IFI44L: variants seen among roughly 807,000 people sequenced by gnomAD.
The protein encoded by IFI44L is interferon-induced protein 44-like.
IFI44L carries 40 observed loss-of-function variants against 39.3 expected under a neutral mutation model. The ratio of observed to expected loss-of-function variants is 1.02; its 90% confidence interval spans 0.79 to 1.33. The LOEUF (loss-of-function observed/expected upper bound fraction) is 1.33. IFI44L is among the 40% of genes most tolerant of loss of function. The pLI is 0.00. For missense variants in IFI44L, 623 were observed against 549.0 expected (o/e 1.13, Z -1.35); for synonymous variants, 198 against 182.3 (o/e 1.09, Z -0.69).
At chr1:78,631,678 A>T (rs944894840) in intron 4 of IFI44L, 12 of 152,174 alleles carry the variant, frequency 7.9e-5, no homozygotes, top group Non-Finnish European at 1.8e-4. Flanking sequence ...GTGTTTATCT[A>T]GGAAAGAAAG....
Position 78,628,219 on chromosome 1 carries a change from A to G in IFI44L, c.304A>G (p.Asn102Asp). Residue 102 changes from asparagine (N) to aspartate (D), a missense_variant, in exon 2 of 9, where the codon AAT becomes GAT. Transcript: ENST00000370751. ...DTTEIETLLL[N>D]TAPKIIDEQL... ...CACTGAAATAGAAACTTTACTCTTA[A>G]ATACAGCACCAAAAATTATTGATGA... The G allele has an allele frequency of 1.2e-6, 2 of 1,612,824 alleles. No homozygotes were observed. The highest frequency in any genetic ancestry group is 1.7e-6 in the Non-Finnish European group (2 of 1,179,474).
At position 78,641,085 on chromosome 1, in the gene IFI44L, T is replaced by G. The variant is rs774208467; in HGVS notation, c.1113T>G (p.Phe371Leu). ...GCAGTGAGGTTCTTCAAGACAACTTTTTAAACATGAGTAGATCTATGACTT... is the reference window on the plus strand; with the variant it reads ...GCAGTGAGGTTCTTCAAGACAACTTGTTAAACATGAGTAGATCTATGACTT... Reference protein sequence around the residue: ...DDCSEVLQDNFLNMSRSMTSQ... With the variant: ...DDCSEVLQDNLLNMSRSMTSQ... Residue 371 changes from phenylalanine (F) to leucine (L), a missense_variant, in exon 7 of 9, where the codon TTT becomes TTG. Coordinates refer to ENST00000370751, the MANE Select transcript of IFI44L (RefSeq NM_006820.4). The G allele has an allele frequency of 6.2e-7, 1 of 1,612,938 alleles. No homozygotes were observed. The highest frequency in any genetic ancestry group is 1.1e-5 in the South Asian group (1 of 91,066).
At position 78,644,532 on chromosome 1, in the gene IFI44L, CAA is replaced by C. The variant is rs1224674200; in HGVS notation, c.*2727_*2728del. On this transcript the variant is annotated 3_prime_UTR_variant, in exon 9 of 9. Coordinates refer to ENST00000370751, the MANE Select transcript of IFI44L (RefSeq NM_006820.4). ...TTAGGAAATATTGGTGAGGAGGCCTCAAAAAGGGGGAAACATCTTTTGTCTGG... is the reference window on the plus strand; with the variant it reads ...TTAGGAAATATTGGTGAGGAGGCCTCAAAGGGGGAAACATCTTTTGTCTGG... 6.6e-6 allele frequency: 1 copy of C among 152,044 alleles called. No individual in the cohort carries two copies. Among genetic ancestry groups the C allele is most frequent in the Non-Finnish European group, 1.5e-5 (1 of 68,000 alleles). 9.4% of individuals were successfully genotyped at this position (152,044 alleles called of 1,614,324 possible).
At position 78,642,738 on chromosome 1, in the gene IFI44L, T is replaced by A. The variant is rs924119177; in HGVS notation, c.*929T>A. 6.6e-5 allele frequency: 10 copies of A among 151,984 alleles called. No individual in the cohort carries two copies. The highest frequency in any genetic ancestry group is 1.3e-4 in the Non-Finnish European group (9 of 67,960). 9.4% of individuals were successfully genotyped at this position (151,984 alleles called of 1,614,324 possible). On this transcript the variant is annotated 3_prime_UTR_variant, in exon 9 of 9. Transcript: ENST00000370751. ...ATTGAATTAATTAAAATGAGCCAAC[T>A]TTTTTTTAACAATTTACATTTTATT...
intron 2 of IFI44L, 56 bp from the exon 3 acceptor site, chr1:78,628,895 C>T (rs1338723528): frequency 4.4e-6 from 5 of 1,148,816 alleles, no homozygotes; most frequent in Non-Finnish European, 6.5e-6. Flanking sequence ...GTAGACTTGG[C>T]CACATTTAAC....
intron 1 of IFI44L, chr1:78,626,681 T>C (rs1051619216): frequency 3.3e-5 from 5 of 152,078 alleles, no homozygotes; most frequent in African/African-American, 1.2e-4. Context: ...TTCTTAAATT[T>C]TTTTTAAAAT....
At chr1:78,628,651 G>GGA (rs1309993221) in intron 2 of IFI44L, 1 of 514,158 alleles carries the variant, frequency 1.9e-6, no homozygotes, top group African/African-American at 1.9e-5. Flanking sequence ...ATGGGGATGT[G>GGA]GAGAGAGAGA....
At chr1:78,624,239 G>A (rs777969759) in intron 1 of IFI44L, among the ~76,000 whole-genome samples, 4 of 152,172 alleles carry the variant, frequency 2.6e-5, no homozygotes, top group African/African-American at 4.8e-5. Context: ...CAAGTGTTCC[G>A]CCGAACTCGG....
At position 78,630,396 on chromosome 1, in the gene IFI44L, CT is replaced by C. The variant is rs1652706120; in HGVS notation, c.723+483del. On this transcript the variant is annotated intron_variant, in intron 4 of 8. Transcript: ENST00000370751. ...TTGAAGGAGAACTTGAAGTGTAAATCTTACAAAAACTATCTTATTTACAAAA... is the reference window on the plus strand; with the variant it reads ...TTGAAGGAGAACTTGAAGTGTAAATCTACAAAAACTATCTTATTTACAAAA... 3.3e-5 allele frequency among the ~76,000 whole-genome samples: 5 copies of C among 151,968 alleles called. No homozygotes were observed. The East Asian group carries it at 7.7e-4, about 24-fold the overall frequency.
chr1:78,635,597 A>G (rs1652920528), intron 5 of IFI44L, 108 bp downstream of exon 5: 1 of 878,334 alleles, frequency 1.1e-6, no homozygotes, highest in Non-Finnish European at 1.8e-6. Context: ...TGGTTTCAAC[A>G]TCAATCAACA....
rs1244044562 is a variant in IFI44L at position 78,643,815 on chromosome 1, G to A, written c.*2006G>A. ...ATATTATCTTATAGAAATAACTAAG[G>A]GAAGTTAGTGCCTTGTGACCACATC... is the stretch of plus-strand genomic sequence containing the variant. On this transcript the variant is annotated 3_prime_UTR_variant, in exon 9 of 9. Transcript: ENST00000370751. The A allele has an allele frequency of 6.6e-6, 1 of 151,994 alleles. No individual in the cohort carries two copies. Among genetic ancestry groups the A allele is most frequent in the Admixed American group, 6.6e-5 (1 of 15,234 alleles). The allele number at this position is 151,994 out of a possible 1,614,324, so 9.4% of individuals were successfully genotyped here.
At chr1:78,640,974 C>T in intron 6 of IFI44L, 47 bp from the exon 7 acceptor site, 1 of 1,337,412 alleles carries the variant, frequency 7.5e-7, no homozygotes, top group Non-Finnish European at 1.1e-6. Context: ...CTTGTTGACA[C>T]ATTGCTATTT....
intron 1 of IFI44L, among the ~76,000 whole-genome samples, chr1:78,623,905 A>G (rs1017119682): frequency 2.0e-5 from 3 of 152,194 alleles, no homozygotes; most frequent in Non-Finnish European, 4.4e-5. Flanking sequence ...GGATGATGTC[A>G]GCTCATGTTG....
At chr1:78,638,054 C>A (rs1359791947) in intron 6 of IFI44L, among the ~76,000 whole-genome samples, 3 of 152,072 alleles carry the variant, frequency 2.0e-5, no homozygotes, top group Admixed American at 6.6e-5. Flanking sequence ...ATCCCACCAG[C>A]AATACATGAG....
At chr1:78,632,811 TAAAGAG>T (rs1652802743) in intron 4 of IFI44L, among the ~76,000 whole-genome samples, 1 of 152,334 alleles carries the variant, frequency 6.6e-6, no homozygotes, top group Non-Finnish European at 1.5e-5. Context: ...ATCCAGACAT[TAAAGAG>T]AATTTTACTA....
chr1:78,635,566 G>T, intron 5 of IFI44L, 77 bp downstream of exon 5: 2 of 1,389,960 alleles, frequency 1.4e-6, no homozygotes, highest in Non-Finnish European at 1.0e-6. Flanking sequence ...ACCACATAAG[G>T]CAATTTCAAC....
In IFI44L at chr1:78,637,031, G is replaced by A; in HGVS notation, c.877-1G>A. 1 of 1,605,742 alleles carries A rather than the reference G, an allele frequency of 6.2e-7. No individual in the cohort carries two copies. The highest frequency in any genetic ancestry group is 8.5e-7 in the Non-Finnish European group (1 of 1,173,754). On this transcript the variant is annotated splice_acceptor_variant, in intron 5 of 8. Transcript: ENST00000370751. LOFTEE classifies it high-confidence loss of function. ...AATGTTACCTTATGTTTTTATAACA[G>A]TTTAATTCCCGTAAACCAATTACAC...
chr1:78,623,682 A>G (rs565195672), intron 1 of IFI44L, among the ~76,000 whole-genome samples: 6 of 152,224 alleles, frequency 3.9e-5, no homozygotes, highest in Non-Finnish European at 8.8e-5. Flanking sequence ...ATGCCTGAGA[A>G]CTGGTGGAGC....
intron 4 of IFI44L, among the ~76,000 whole-genome samples, chr1:78,635,000 A>ATATATGTG (rs1553172546): frequency 1.5e-4 from 18 of 117,876 alleles, no homozygotes; most frequent in African/African-American, 5.4e-4. Flanking sequence ...ATATATATAT[A>ATATATGTG]TGTGTGTGTG....
Sources: gnomAD v4.1 joint callset for allele counts (sites outside exome capture counted in the v4.1 genomes callset) on GRCh38, gnomAD v4.1.1 for gene constraint, MANE v1.5 for transcripts, NCBI Gene and HGNC (gene_info 2026-07-23, HGNC 2026-07-21) for gene names.